The following MGAM2 variants were observed in gnomAD, a reference collection of about 807,000 sequenced individuals.
The protein encoded by MGAM2 is probable maltase-glucoamylase 2.
Under a neutral mutation model 96.1 loss-of-function variants are expected in MGAM2, and 98 were observed. The ratio of observed to expected loss-of-function variants is 1.02; its 90% CI spans 0.87 to 1.21. The LOEUF (loss-of-function observed/expected upper bound fraction) is 1.21. Ranked by LOEUF, MGAM2 falls within the 50% of genes most tolerant of loss-of-function variation. The pLI is 0.00. For synonymous variants in MGAM2, 749 were observed against 414.8 expected, an observed-to-expected ratio of 1.81 and a Z score of -9.79; for missense variants, 2,055 against 1,182.4, an observed-to-expected ratio of 1.74 and a Z score of -10.82.
At chr7:142,167,885 A>T (rs1410354728) in intron 26 of MGAM2, among the ~76,000 whole-genome samples, 1 of 152,032 alleles carries the variant, frequency 6.6e-6, no homozygotes, top group African/African-American at 2.4e-5. Context: ...ACAGCTTTTC[A>T]TCCAAATCCC....
chr7:142,184,147 A>G (rs759992595), intron 33 of MGAM2, among the ~76,000 whole-genome samples: 5 of 150,598 alleles, frequency 3.3e-5, no homozygotes, highest in Admixed American at 2.0e-4. Flanking sequence ...TAATTTTTGT[A>G]TTTTTAGTAG....
rs1795990798 is a variant in MGAM2 at position 142,165,028 on chromosome 7, G to A, written c.2652+5G>A. On this transcript the variant is annotated splice_donor_5th_base_variant and intron_variant, in intron 24 of 47. Coordinates refer to ENST00000477922, the MANE Select transcript of MGAM2 (RefSeq NM_001293626.2). ...GTCTACAATGCTTCCACAAAGGTAA[G>A]AGATCCTTCCATTCTGCAGGGCCCT... The A allele has an allele frequency of 7.2e-6, 5 of 697,044 alleles. No homozygotes were observed. Among genetic ancestry groups the A allele is most frequent in the Non-Finnish European group, 1.3e-5 (5 of 382,624 alleles). 43.2% of individuals were successfully genotyped at this position (697,044 alleles called of 1,614,324 possible). A position where few individuals can be genotyped will look rare whatever the true frequency, so the allele number is the denominator to read the frequency against.
intron 3 of MGAM2, among the ~76,000 whole-genome samples, chr7:142,120,887 A>G (rs564349592): frequency 6.6e-6 from 1 of 152,192 alleles, no homozygotes; most frequent in Non-Finnish European, 1.5e-5. Flanking sequence ...GATACGTGCT[A>G]AGGAACACAG....
chr7:142,135,058 T>C (rs1328853965), intron 7 of MGAM2, among the ~76,000 whole-genome samples: 4 of 152,208 alleles, frequency 2.6e-5, no homozygotes, highest in Non-Finnish European at 5.9e-5. Flanking sequence ...AGAGCATGTC[T>C]TGAAGCCTCC....
intron 3 of MGAM2, among the ~76,000 whole-genome samples, chr7:142,122,294 T>G (rs79421137): frequency 0.12 from 18,302 of 152,280 alleles, 1,279 homozygotes; most frequent in Admixed American, 0.24. Context: ...AGTATATTAT[T>G]AGCTACAGTC....
At chr7:142,132,687 AT>A (rs1794930505) in intron 6 of MGAM2, among the ~76,000 whole-genome samples, 2 of 126,696 alleles carry the variant, frequency 1.6e-5, no homozygotes, top group African/African-American at 6.3e-5. Flanking sequence ...TTATAATATA[AT>A]TAATAATATT....
intron 31 of MGAM2, among the ~76,000 whole-genome samples, chr7:142,174,554 G>A (rs1289427993): frequency 1.3e-5 from 2 of 151,738 alleles, no homozygotes; most frequent in Non-Finnish European, 2.9e-5. Context: ...TGCTTATCAG[G>A]TTAAGAAACT....
rs1795455186 is a variant in MGAM2, at chr7:142,148,409, A to C, written c.1634+836A>C. Among the ~76,000 whole-genome samples, 1 of 152,004 alleles carries C rather than the reference A, an allele frequency of 6.6e-6. No homozygotes were observed. The highest frequency in any genetic ancestry group is 6.6e-5 in the Admixed American group (1 of 15,258). ...CCCTACCACCACCATCACCATCATCACTATCCCCATCACCACCATGACTAT... is the reference window on the plus strand; with the variant it reads ...CCCTACCACCACCATCACCATCATCCCTATCCCCATCACCACCATGACTAT... On this transcript the variant is annotated intron_variant, in intron 15 of 47. Transcript: ENST00000477922. The surrounding 1 kb of genome is among the most constrained non-coding windows in gnomAD (Gnocchi z 4.2).
At chr7:142,188,701 C>T (rs1196049168) in intron 36 of MGAM2, among the ~76,000 whole-genome samples, 2 of 152,124 alleles carry the variant, frequency 1.3e-5, no homozygotes, top group South Asian at 2.1e-4. Flanking sequence ...CAGTAGAAAC[C>T]GAACTTTGAG....
chr7:142,160,281 G>A (rs1228219304), intron 21 of MGAM2, 23 bp downstream of exon 21: 1 of 673,744 alleles, frequency 1.5e-6, no homozygotes, highest in Admixed American at 2.3e-5. Context: ...CTCTTCTAAG[G>A]TATGACTATT....
chr7:142,199,917 G>A lies in MGAM2; in HGVS notation c.5086G>A (p.Asp1696Asn). 1.5e-6 allele frequency: 1 copy of A among 683,862 alleles called. No homozygotes were observed. Among genetic ancestry groups the A allele is most frequent in the Non-Finnish European group, 2.7e-6 (1 of 377,028 alleles). The allele number at this position is 683,862 out of a possible 1,614,324, so 42.4% of individuals were successfully genotyped here. The stretch of plus-strand genomic sequence containing the variant: ...TATGGGATTGATTGTTGCTTTGGAT[G>A]ACAATGGGACAGCTGAAGGCCAGGT... ...NFMGLIVALD[D>N]NGTAEGQVFW... Residue 1696 changes from aspartate to asparagine, a missense_variant, in exon 45 of 48, where the codon GAC (aspartate) becomes AAC (asparagine). Coordinates refer to ENST00000477922, the MANE Select transcript of MGAM2 (RefSeq NM_001293626.2).
intron 9 of MGAM2, among the ~76,000 whole-genome samples, 199 bp downstream of exon 9, chr7:142,137,744 G>T (rs1006156715): frequency 6.6e-6 from 1 of 152,164 alleles, no homozygotes; most frequent in Non-Finnish European, 1.5e-5. Flanking sequence ...CACTGTGCAA[G>T]GCTTGAGAAA....
In MGAM2 at chr7:142,220,398, C is replaced by G; in HGVS notation, c.5887C>G (p.Pro1963Ala). ...TGCTACTGTTCCCGATACAACTGCCCCTTTCCCAACAAATACTACTACTGC... is the reference window on the plus strand; with the variant it reads ...TGCTACTGTTCCCGATACAACTGCCGCTTTCCCAACAAATACTACTACTGC... ...TNATVPDTTA[P>A]FPTNTTTAST... The change falls in exon 48 of 48, where the codon CCT (proline) becomes GCT (alanine). Residue 1963 changes from proline to alanine, a missense_variant. Pro to Ala is a conservative substitution (Grantham distance 27). Coordinates refer to ENST00000477922, the MANE Select transcript of MGAM2 (RefSeq NM_001293626.2). The G allele has an allele frequency of 1.4e-6, 1 of 702,600 alleles. No individual in the cohort carries two copies. The highest frequency in any genetic ancestry group is 1.7e-5 in the African/African-American group (1 of 57,298). The allele number at this position is 702,600 out of a possible 1,614,324, so 43.5% of individuals were successfully genotyped here.
At chr7:142,156,204 C>G (rs1795732237) in intron 17 of MGAM2, among the ~76,000 whole-genome samples, 1 of 151,540 alleles carries the variant, frequency 6.6e-6, no homozygotes. Context: ...TTTAAAAATA[C>G]TTTATATAGC....
chr7:142,142,524 GTTTTTTTTT>G, intron 12 of MGAM2, among the ~76,000 whole-genome samples: 1 of 78,908 alleles, frequency 1.3e-5, no homozygotes, highest in African/African-American at 4.9e-5. Flanking sequence ...AGTGGTGTGT[GTTTTTTTTT>G]TTTTTTTTTT....
rs1795094100 is a variant in MGAM2 at position 142,137,494 on chromosome 7, T to A, written c.909T>A (p.Phe303Leu). The A allele has an allele frequency of 7.1e-6, 5 of 702,094 alleles. No homozygotes were observed. Among genetic ancestry groups the A allele is most frequent in the Non-Finnish European group, 1.0e-5 (4 of 384,524 alleles). The allele number at this position is 702,094 out of a possible 1,614,324, so 43.5% of individuals were successfully genotyped here. A position where few individuals can be genotyped will look rare whatever the true frequency, so the allele number is the denominator to read the frequency against. ...TYRTIGGILD[F>L]YVFLGNTPEQ... The stretch of plus-strand genomic sequence containing the variant: ...GCACGATTGGAGGCATTCTTGACTT[T>A]TACGTATTCCTAGGAAACACTCCAG... Residue 303 changes from phenylalanine to leucine, a missense_variant, in exon 9 of 48, where the codon TTT becomes TTA. Transcript: ENST00000477922.
At chr7:142,119,011 A>T (rs903068745) in intron 2 of MGAM2, among the ~76,000 whole-genome samples, 20 of 152,340 alleles carry the variant, frequency 1.3e-4, no homozygotes, top group African/African-American at 4.8e-4. Context: ...AATTGAAAAA[A>T]ACTTTGTGCT....
Position 142,172,632 on chromosome 7 carries a change from G to A in MGAM2, c.3449-20G>A. On this transcript the variant is annotated intron_variant, in intron 29 of 47. Coordinates refer to ENST00000477922, the MANE Select transcript of MGAM2 (RefSeq NM_001293626.2). ...TTACAACTCCAAGGATGTGCCTCAT[G>A]TGTGTTGTTTTTCTTACAGATGTGA... 1 of 688,722 alleles carries A rather than the reference G, an allele frequency of 1.5e-6. No individual in the cohort carries two copies. Among genetic ancestry groups the A allele is most frequent in the South Asian group, 1.6e-5 (1 of 64,396 alleles). 42.7% of individuals were successfully genotyped at this position (688,722 alleles called of 1,614,324 possible).
chr7:142,206,528 A>G (rs1353980076), intron 45 of MGAM2, among the ~76,000 whole-genome samples: 1 of 152,202 alleles, frequency 6.6e-6, no homozygotes, highest in African/African-American at 2.4e-5. Flanking sequence ...GCTAATTAGG[A>G]CTAGATGAGT....
Sources: allele counts gnomAD v4.1 joint callset (sites outside exome capture counted in the v4.1 genomes callset), GRCh38; gene constraint gnomAD v4.1.1; non-coding constraint Gnocchi (gnomAD v3.1); transcripts MANE v1.5; gene names NCBI Gene and HGNC (gene_info 2026-07-23, HGNC 2026-07-21).